ANO2: variants seen among roughly 807,000 people sequenced by gnomAD.
ANO2 encodes the protein anoctamin-2.
In ANO2, 101 loss-of-function variants were observed where a neutral mutation model predicts 124.2. That is an observed-to-expected ratio of 0.81 (90% CI 0.69 to 0.96). The LOEUF is 0.96. Ranked by LOEUF, ANO2 falls within the 40% of genes least tolerant of loss-of-function variation. The pLI, the probability that ANO2 is intolerant of heterozygous loss-of-function variation, is 0.00. For missense variants in ANO2, 1,293 were observed against 1,274.5 expected (o/e 1.01, Z -0.22); for synonymous variants, 486 against 482.5 (o/e 1.01, Z -0.09).
At chr12:5,937,352 T>C (rs1287975132) in intron 1 of ANO2, among the ~76,000 whole-genome samples, 1 of 152,240 alleles carries the variant, frequency 6.6e-6, no homozygotes, top group East Asian at 1.9e-4. Context: ...GCCACTTTTA[T>C]GTCTTCTTTG....
chr12:5,675,165 A>G (rs899680650), intron 14 of ANO2, among the ~76,000 whole-genome samples: 3 of 152,034 alleles, frequency 2.0e-5, no homozygotes, highest in African/African-American at 7.2e-5. Context: ...GGTCAGTGTG[A>G]CTCCATGGTC....
intron 14 of ANO2, among the ~76,000 whole-genome samples, chr12:5,669,660 T>C (rs538193702): frequency 1.9e-3 from 284 of 152,302 alleles, no homozygotes; most frequent in Non-Finnish European, 3.2e-3. Context: ...CAGGATGATA[T>C]TGGCTGTGGG....
Position 5,908,966 on chromosome 12 carries a change from G to A in ANO2, c.534+12074C>T, listed in dbSNP as rs567913743. Among the ~76,000 whole-genome samples, 5 of 152,270 alleles carry A rather than the reference G, an allele frequency of 3.3e-5. No homozygotes were observed. The East Asian group carries it at 5.8e-4, about 18-fold the overall frequency. ...AGTCCACTCAGAACAAGGGTCATCC[G>A]CCTTTTGAGCAGAATGCATCATTAC... On this transcript the variant is annotated intron_variant, in intron 3 of 24. Transcript: ENST00000682330. The surrounding 1 kb of genome is among the most constrained non-coding windows in gnomAD (Gnocchi z 4.7).
Position 5,721,379 on chromosome 12 carries a change from A to C in ANO2, c.1545+11141T>G, listed in dbSNP as rs949659550. On this transcript the variant is annotated intron_variant, in intron 14 of 24. Transcript: ENST00000682330. The stretch of plus-strand genomic sequence containing the variant: ...GTTTCCACAGGCTGTTGCCATCCCC[A>C]AATAAATTCCTGCAACTTTAAAACT... Among the ~76,000 whole-genome samples the C allele has an allele frequency of 2.0e-5, 3 of 152,202 alleles. No homozygotes were observed. In the South Asian group the frequency reaches 6.2e-4, roughly 31 times the overall value.
chr12:5,894,591 C>T (rs1939642191), intron 3 of ANO2, among the ~76,000 whole-genome samples: 1 of 152,140 alleles, frequency 6.6e-6, no homozygotes, highest in African/African-American at 2.4e-5. Context: ...ATGGTATTGC[C>T]TAGGTTTTCT....
intron 3 of ANO2, among the ~76,000 whole-genome samples, chr12:5,910,882 A>G (rs1941006678): frequency 6.6e-6 from 1 of 152,128 alleles, no homozygotes; most frequent in Non-Finnish European, 1.5e-5. Flanking sequence ...CACGTACACC[A>G]CCCACTTCAG....
chr12:5,798,789 C>T (rs186687127), intron 10 of ANO2, among the ~76,000 whole-genome samples: 1,558 of 152,362 alleles, frequency 0.01, 31 homozygotes, highest in African/African-American at 0.034. Context: ...CCAGAACTCA[C>T]GTCTCCAGAC....
intron 23 of ANO2, among the ~76,000 whole-genome samples, chr12:5,567,017 A>C (rs528084580): frequency 6.6e-6 from 1 of 152,180 alleles, no homozygotes. Flanking sequence ...GAAGAGAAAA[A>C]GAGGAAGAGA....
chr12:5,873,133 G>GT (rs1479299934), intron 3 of ANO2, among the ~76,000 whole-genome samples: 1 of 152,006 alleles, frequency 6.6e-6, no homozygotes, highest in Non-Finnish European at 1.5e-5. Context: ...TAAAGACGGA[G>GT]TGAGGGCTGA....
rs113222566 is a variant in ANO2, at chr12:5,862,710, G to A, written c.535-8569C>T. Among the ~76,000 whole-genome samples, 2,632 of 152,294 alleles carry A rather than the reference G, an allele frequency of 0.017. 69 individuals are homozygous for A. Among genetic ancestry groups the A allele is most frequent in the African/African-American group, 0.056 (2,329 of 41,562 alleles). ...TGGTGGGAGGTAACTGAATCATGGG[G>A]GCGGTTTCCCCCATACTGTTCTCGT... On this transcript the variant is annotated intron_variant, in intron 3 of 24. Transcript: ENST00000682330. This position sits in a 1 kb window ranked among gnomAD's most constrained non-coding sequence, Gnocchi z 4.0.
chr12:5,666,380 T>C (rs550951713), intron 14 of ANO2, among the ~76,000 whole-genome samples: 1 of 152,276 alleles, frequency 6.6e-6, no homozygotes, highest in South Asian at 2.1e-4. Context: ...CTTCTGCTCT[T>C]CCCAAAGGGG....
chr12:5,762,354 T>G (rs1289760229), intron 10 of ANO2, among the ~76,000 whole-genome samples: 1 of 152,026 alleles, frequency 6.6e-6, no homozygotes, highest in Non-Finnish European at 1.5e-5. Flanking sequence ...GAAGCATATG[T>G]TTCTAGAAAT....
chr12:5,865,670 C>A (rs1442368019), intron 3 of ANO2, among the ~76,000 whole-genome samples: 1 of 151,580 alleles, frequency 6.6e-6, no homozygotes, highest in Non-Finnish European at 1.5e-5. Flanking sequence ...CGCTATCGTG[C>A]ATTCACACTA....
At chr12:5,751,689 CTTG>C (rs1951445894) in intron 10 of ANO2, among the ~76,000 whole-genome samples, 2 of 152,120 alleles carry the variant, frequency 1.3e-5, no homozygotes, top group African/African-American at 4.8e-5. Context: ...TGCTCTCACC[CTTG>C]TTTTGTTTAA....
intron 4 of ANO2, among the ~76,000 whole-genome samples, chr12:5,841,808 T>C (rs1474066672): frequency 6.6e-6 from 1 of 152,234 alleles, no homozygotes; most frequent in Admixed American, 6.5e-5. Flanking sequence ...TCTCCTCTGG[T>C]TGGCTCTCTT....
chr12:5,938,385 A>G (rs1003933524), intron 1 of ANO2, among the ~76,000 whole-genome samples: 11 of 152,130 alleles, frequency 7.2e-5, no homozygotes, highest in African/African-American at 2.7e-4. Context: ...AAAATAACTG[A>G]TCTACATATT....
chr12:5,736,801 T>G (rs1950884169), intron 13 of ANO2, among the ~76,000 whole-genome samples: 1 of 152,150 alleles, frequency 6.6e-6, no homozygotes, highest in Non-Finnish European at 1.5e-5. Context: ...GCTTTCAAGA[T>G]ATCTTGTTGT....
chr12:5,894,281 T>C (rs1314487499), intron 3 of ANO2, among the ~76,000 whole-genome samples: 7 of 152,216 alleles, frequency 4.6e-5, no homozygotes, highest in Admixed American at 4.6e-4. Flanking sequence ...GCCACATAAA[T>C]GTCTTCTTTT....
chr12:5,831,171 G>A (rs761475872), intron 5 of ANO2, among the ~76,000 whole-genome samples: 1 of 152,180 alleles, frequency 6.6e-6, no homozygotes, highest in East Asian at 1.9e-4. Flanking sequence ...AAGGAAATAC[G>A]CTCCCAGCAC....
Sources: gnomAD v4.1 joint callset for allele counts (sites outside exome capture counted in the v4.1 genomes callset) on GRCh38, gnomAD v4.1.1 for gene constraint, Gnocchi (gnomAD v3.1) non-coding constraint, MANE v1.5 for transcripts, NCBI Gene and HGNC (gene_info 2026-07-23, HGNC 2026-07-21) for gene names.